PDSS2: variants seen among roughly 807,000 people sequenced by gnomAD.
The protein encoded by PDSS2 is all trans-polyprenyl-diphosphate synthase PDSS2.
A neutral mutation model predicts 44.5 loss-of-function variants in PDSS2; 31 were observed. The ratio of observed to expected loss-of-function variants is 0.70; its 90% CI spans 0.52 to 0.94. PDSS2 has a LOEUF of 0.94. PDSS2 is among the 40% of genes least tolerant of loss of function. The probability of loss-of-function intolerance (pLI) is 0.00; values close to 1 mark genes in which losing one functional copy is unlikely to be tolerated. For missense variants in PDSS2, 452 were observed against 482.2 expected (o/e 0.94, Z 0.59); for synonymous variants, 157 against 180.3 (o/e 0.87, Z 1.03).
chr6:107,173,487 T>C (rs1771667874), intron 7 of PDSS2, among the ~76,000 whole-genome samples: 1 of 147,408 alleles, frequency 6.8e-6, no homozygotes, highest in Non-Finnish European at 1.5e-5. Context: ...GGCAGGAGAA[T>C]TGCTTCAACC....
chr6:107,327,395 G>A (rs1292257719), intron 2 of PDSS2, among the ~76,000 whole-genome samples: 1 of 152,140 alleles, frequency 6.6e-6, no homozygotes, highest in Non-Finnish European at 1.5e-5. Flanking sequence ...AGATAACAGA[G>A]GTGGGCAAAG....
At chr6:107,296,183 C>T (rs942366322) in intron 2 of PDSS2, among the ~76,000 whole-genome samples, 1 of 152,116 alleles carries the variant, frequency 6.6e-6, no homozygotes, top group African/African-American at 2.4e-5. Context: ...GTCATTGAGA[C>T]TTCAGGGCCA....
At chr6:107,371,393 C>T (rs1191939566) in intron 1 of PDSS2, among the ~76,000 whole-genome samples, 1 of 152,106 alleles carries the variant, frequency 6.6e-6, no homozygotes, top group African/African-American at 2.4e-5. Flanking sequence ...TTCATTCTAA[C>T]TCCCATATAA....
intron 2 of PDSS2, among the ~76,000 whole-genome samples, chr6:107,309,025 C>A (rs1487350191): frequency 3.3e-5 from 5 of 152,168 alleles, no homozygotes; most frequent in Non-Finnish European, 5.9e-5. Flanking sequence ...CATCTTCTAG[C>A]CACAGCCCCA....
At chr6:107,238,491 T>A (rs946193344) in intron 4 of PDSS2, among the ~76,000 whole-genome samples, 2 of 152,078 alleles carry the variant, frequency 1.3e-5, no homozygotes, top group African/African-American at 4.8e-5. Context: ...CTTCTAAGAA[T>A]CCCCTCTCAG....
intron 1 of PDSS2, among the ~76,000 whole-genome samples, chr6:107,339,421 A>G (rs1057371582): frequency 6.6e-6 from 1 of 152,248 alleles, no homozygotes; most frequent in Non-Finnish European, 1.5e-5. Flanking sequence ...TCATTCATTC[A>G]TTCAATTAAT....
chr6:107,304,693 C>T (rs576149623), intron 2 of PDSS2, among the ~76,000 whole-genome samples: 6 of 152,226 alleles, frequency 3.9e-5, no homozygotes, highest in African/African-American at 9.6e-5. Flanking sequence ...TAAGTGCTTA[C>T]TAAATATTAC....
In PDSS2 at chr6:107,390,617, G is replaced by A. The variant is rs76018853; in HGVS notation, c.297-56285C>T. Reference sequence around the variant, plus strand: ...AGTCTGGAGTTTAATTAATAGTAACGTACCACTGTTGATTTCTTAGTTTTG... The same window carrying A: ...AGTCTGGAGTTTAATTAATAGTAACATACCACTGTTGATTTCTTAGTTTTG... On this transcript the variant is annotated intron_variant, in intron 1 of 7. Transcript: ENST00000369037. Among the ~76,000 whole-genome samples, 1,065 of 152,146 alleles carry A rather than the reference G, an allele frequency of 7.0e-3. 8 individuals carry two copies. Among genetic ancestry groups the A allele is most frequent in the African/African-American group, 0.024 (1,000 of 41,536 alleles).
chr6:107,222,776 G>C (rs1004790032), intron 4 of PDSS2, among the ~76,000 whole-genome samples: 6 of 151,664 alleles, frequency 4.0e-5, no homozygotes, highest in African/African-American at 1.5e-4. Flanking sequence ...GCACATAACA[G>C]AATATATGCA....
intron 1 of PDSS2, among the ~76,000 whole-genome samples, chr6:107,437,272 A>T (rs895032139): frequency 6.6e-6 from 1 of 152,186 alleles, no homozygotes; most frequent in Admixed American, 6.5e-5. Context: ...CTGTAATCCC[A>T]GCACTTTTGG....
At chr6:107,422,377 C>T (rs566785404) in intron 1 of PDSS2, among the ~76,000 whole-genome samples, 1 of 151,980 alleles carries the variant, frequency 6.6e-6, no homozygotes, top group South Asian at 2.1e-4. Flanking sequence ...AAAACAGGCA[C>T]TCCCATATAC....
At chr6:107,324,811 G>GT (rs1777488260) in intron 2 of PDSS2, among the ~76,000 whole-genome samples, 1 of 152,112 alleles carries the variant, frequency 6.6e-6, no homozygotes, top group Non-Finnish European at 1.5e-5. Context: ...TTCTTAAGAT[G>GT]TTTTTTGATT....
At chr6:107,304,175 T>C (rs1776783793) in intron 2 of PDSS2, among the ~76,000 whole-genome samples, 1 of 152,148 alleles carries the variant, frequency 6.6e-6, no homozygotes, top group South Asian at 2.1e-4. Context: ...GCCATGTCTG[T>C]TCTATGTGAC....
chr6:107,429,181 T>C (rs1554280272), intron 1 of PDSS2, among the ~76,000 whole-genome samples: 2 of 152,212 alleles, frequency 1.3e-5, no homozygotes, highest in Non-Finnish European at 2.9e-5. Context: ...CTATAAAGGT[T>C]ACGCAGAGTG....
intron 1 of PDSS2, among the ~76,000 whole-genome samples, chr6:107,435,106 A>G (rs753123019): frequency 2.0e-5 from 3 of 152,026 alleles, no homozygotes; most frequent in Non-Finnish European, 4.4e-5. Context: ...GCAAGATCTC[A>G]TCTCTTAAAA....
intron 3 of PDSS2, among the ~76,000 whole-genome samples, chr6:107,270,187 C>T (rs538925410): frequency 2.3e-4 from 35 of 152,150 alleles, no homozygotes; most frequent in Non-Finnish European, 4.0e-4. Flanking sequence ...TGGCTCACTG[C>T]AACCTCCACC....
chr6:107,249,264 C>T (rs1214600942), intron 3 of PDSS2, among the ~76,000 whole-genome samples: 1 of 152,158 alleles, frequency 6.6e-6, no homozygotes, highest in African/African-American at 2.4e-5. Flanking sequence ...GTGCTATATT[C>T]AGTACAAGCC....
intron 1 of PDSS2, among the ~76,000 whole-genome samples, chr6:107,425,793 C>G (rs1432145432): frequency 6.6e-6 from 1 of 152,040 alleles, no homozygotes; most frequent in African/African-American, 2.4e-5. Flanking sequence ...AACCCTGTCT[C>G]TACTAAAAAT....
At chr6:107,226,175 A>C (rs1203999782) in intron 4 of PDSS2, among the ~76,000 whole-genome samples, 2 of 152,052 alleles carry the variant, frequency 1.3e-5, no homozygotes, top group African/African-American at 4.8e-5. Flanking sequence ...TGGGCGTGGT[A>C]GCAGGCGCCT....
Sources: allele counts gnomAD v4.1 joint callset (sites outside exome capture counted in the v4.1 genomes callset), GRCh38; gene constraint gnomAD v4.1.1; transcripts MANE v1.5; gene names NCBI Gene and HGNC (gene_info 2026-07-23, HGNC 2026-07-21).